PRKAR2B: variants seen among roughly 807,000 people sequenced by gnomAD.
PRKAR2B encodes protein kinase cAMP-dependent type II regulatory subunit beta.
In PRKAR2B, 14 loss-of-function variants were observed where a neutral mutation model predicts 49.9. That is an observed-to-expected ratio of 0.28 (90% CI 0.19 to 0.44). PRKAR2B has a LOEUF of 0.44. PRKAR2B is among the 20% of genes least tolerant of loss of function. The pLI is 1.00. For synonymous variants in PRKAR2B, 196 were observed against 197.7 expected (o/e 0.99, Z 0.07); for missense variants, 393 against 537.9 (o/e 0.73, Z 2.67).
At chr7:107,140,804 C>G in intron 4 of PRKAR2B, 43 bp from the exon 5 acceptor site, 1 of 1,411,528 alleles carries the variant, frequency 7.1e-7, no homozygotes, top group Non-Finnish European at 9.8e-7. Flanking sequence ...AAAACATGTT[C>G]TAGATAAACA....
At chr7:107,100,193 G>A (rs1280300499) in intron 2 of PRKAR2B, among the ~76,000 whole-genome samples, 1 of 151,946 alleles carries the variant, frequency 6.6e-6, no homozygotes, top group Non-Finnish European at 1.5e-5. Context: ...TTTGCTAGCT[G>A]CAAATACTCC....
intron 2 of PRKAR2B, among the ~76,000 whole-genome samples, chr7:107,096,390 C>G (rs1387430299): frequency 1.3e-5 from 2 of 151,660 alleles, no homozygotes; most frequent in Non-Finnish European, 2.9e-5. Context: ...TGATTCTTCT[C>G]TCTTTTATTC....
At chr7:107,087,276 T>C (rs914943941) in intron 2 of PRKAR2B, among the ~76,000 whole-genome samples, 1 of 152,136 alleles carries the variant, frequency 6.6e-6, no homozygotes, top group African/African-American at 2.4e-5. Flanking sequence ...TATTTCCTCC[T>C]TTTAAACTTG....
chr7:107,072,074 A>C (rs934633697), intron 2 of PRKAR2B, among the ~76,000 whole-genome samples: 5 of 150,374 alleles, frequency 3.3e-5, no homozygotes, highest in African/African-American at 7.3e-5. Context: ...ATCTCAAAAA[A>C]AAAAAATAAT....
At chr7:107,067,375 G>A (rs1156604502) in intron 1 of PRKAR2B, 1 of 152,122 alleles carries the variant, frequency 6.6e-6, no homozygotes. Context: ...TGGATTTTTG[G>A]TGATTGTTCT....
At chr7:107,053,305 A>G (rs1161410699) in intron 1 of PRKAR2B, among the ~76,000 whole-genome samples, 1 of 152,180 alleles carries the variant, frequency 6.6e-6, no homozygotes, top group African/African-American at 2.4e-5. Context: ...AAAGCTTCCT[A>G]CAATATAAAT....
chr7:107,144,173 C>G (rs990681813), intron 5 of PRKAR2B, among the ~76,000 whole-genome samples: 1 of 152,098 alleles, frequency 6.6e-6, no homozygotes, highest in Non-Finnish European at 1.5e-5. Context: ...CACCCACTGT[C>G]CTCCTGGGTT....
chr7:107,054,847 A>G (rs1201377825), intron 1 of PRKAR2B, among the ~76,000 whole-genome samples: 1 of 152,224 alleles, frequency 6.6e-6, no homozygotes, highest in Admixed American at 6.5e-5. Context: ...GTTTTAGGGT[A>G]CATGTACACA....
At chr7:107,105,781 T>G (rs1795060171) in intron 2 of PRKAR2B, among the ~76,000 whole-genome samples, 1 of 152,164 alleles carries the variant, frequency 6.6e-6, no homozygotes, top group Admixed American at 6.5e-5. Context: ...GACCAGCAAG[T>G]CAGGGGCTCT....
At chr7:107,129,818 A>G (rs144477905) in intron 4 of PRKAR2B, among the ~76,000 whole-genome samples, 4,320 of 152,260 alleles carry the variant, frequency 0.028, 95 homozygotes, top group Non-Finnish European at 0.044. Flanking sequence ...TGACATTGCC[A>G]TGGCATTTGT....
chr7:107,141,681 GA>G (rs1184895944), intron 5 of PRKAR2B, among the ~76,000 whole-genome samples: 1 of 152,130 alleles, frequency 6.6e-6, no homozygotes, highest in African/African-American at 2.4e-5. Flanking sequence ...CAACAAGAGT[GA>G]AACTCTGTCT....
chr7:107,078,917 T>C (rs897832885), intron 2 of PRKAR2B, among the ~76,000 whole-genome samples: 1 of 152,202 alleles, frequency 6.6e-6, no homozygotes, highest in Non-Finnish European at 1.5e-5. Context: ...AGGGAGGATC[T>C]TTCTGCGCCT....
intron 2 of PRKAR2B, among the ~76,000 whole-genome samples, chr7:107,078,936 C>G (rs1168628948): frequency 6.6e-6 from 1 of 152,142 alleles, no homozygotes; most frequent in Non-Finnish European, 1.5e-5. Flanking sequence ...CTATAGTGTC[C>G]TCAGACTCTT....
chr7:107,136,625 T>C (rs1355736421), intron 4 of PRKAR2B, among the ~76,000 whole-genome samples: 1 of 152,202 alleles, frequency 6.6e-6, no homozygotes, highest in Admixed American at 6.5e-5. Context: ...TACACATCTA[T>C]TAGAATGGCC....
At chr7:107,145,443 GTAA>G (rs1194338920) in intron 5 of PRKAR2B, among the ~76,000 whole-genome samples, 3 of 152,150 alleles carry the variant, frequency 2.0e-5, no homozygotes, top group East Asian at 1.9e-4. Context: ...GATCACAAAA[GTAA>G]TAATATGTTC....
chr7:107,064,399 C>T (rs940716623), intron 1 of PRKAR2B, among the ~76,000 whole-genome samples: 4 of 152,170 alleles, frequency 2.6e-5, no homozygotes, highest in African/African-American at 7.2e-5. Context: ...GAAGGAGCAT[C>T]GATATTTCGT....
intron 1 of PRKAR2B, among the ~76,000 whole-genome samples, chr7:107,056,410 A>T (rs1464385215): frequency 6.6e-6 from 1 of 152,162 alleles, no homozygotes; most frequent in Non-Finnish European, 1.5e-5. Flanking sequence ...CTTGGGCAGT[A>T]TGGCCATTTT....
chr7:107,083,021 C>G (rs887867896), intron 2 of PRKAR2B, among the ~76,000 whole-genome samples: 1 of 152,076 alleles, frequency 6.6e-6, no homozygotes, highest in Non-Finnish European at 1.5e-5. Context: ...AACAGAGATT[C>G]TGAGGCAGAG....
chr7:107,126,649 G>A (rs1029151783), intron 3 of PRKAR2B, among the ~76,000 whole-genome samples: 1 of 152,086 alleles, frequency 6.6e-6, no homozygotes. Flanking sequence ...CAGACATCTC[G>A]GTTGCTTTGG....
Sources: allele counts gnomAD v4.1 joint callset (sites outside exome capture counted in the v4.1 genomes callset), GRCh38; gene constraint gnomAD v4.1.1; transcripts MANE v1.5; gene names NCBI Gene and HGNC (gene_info 2026-07-23, HGNC 2026-07-21).